Variants in BCOR observed in about 807,000 individuals in gnomAD.
BCOR encodes the protein BCL6 corepressor, also known as BCL-6 corepressor.
In BCOR, 10 loss-of-function variants were observed where a neutral mutation model predicts 86.7. That is an observed-to-expected ratio of 0.12 (90% confidence interval 0.07 to 0.20). The LOEUF is 0.20. BCOR is among the 10% of genes least tolerant of loss of function. The pLI is 1.00. For missense variants in BCOR, 1,259 were observed against 1,452.1 expected (o/e 0.87, Z 2.16); for synonymous variants, 611 against 609.0 (o/e 1.00, Z -0.05).
intron 1 of BCOR, among the ~76,000 whole-genome samples, chrX:40,120,266 G>C (rs1323852640): frequency 9.0e-6 from 1 of 111,142 alleles, no homozygotes; most frequent in African/African-American, 3.3e-5. Flanking sequence ...CGCTATGCCC[G>C]GAGCAGACAC....
At chrX:40,057,434 C>A (rs1261782715) in intron 10 of BCOR, 113 bp from the exon 11 acceptor site, 10 of 807,258 alleles carry the variant, frequency 1.2e-5, no homozygotes, top group Non-Finnish European at 1.8e-5. Context: ...ACCTGAGAAC[C>A]TCTCGGGCGG....
intron 1 of BCOR, among the ~76,000 whole-genome samples, chrX:40,137,818 C>T (rs747789012): frequency 8.9e-6 from 1 of 111,803 alleles, no homozygotes; most frequent in African/African-American, 3.2e-5. Context: ...CTAGGCTTCA[C>T]CCTGAGAGAG....
rs778696814 is a variant in BCOR, at chrX:40,069,111, C to T, written c.3238+1862G>A. On this transcript the variant is annotated intron_variant, in intron 6 of 14. Coordinates refer to ENST00000378444, the MANE Select transcript of BCOR (RefSeq NM_001123385.2). ...ATAGCTCAGTGAATTTGAAGCCAAA[C>T]GGATCCAGCGCATGCTGTACCCTGG... 2.6e-4 allele frequency among the ~76,000 whole-genome samples: 29 copies of T among 112,824 alleles called. No individual in the cohort carries two copies. The South Asian group carries it at 0.011, about 41-fold the overall frequency.
rs777957659 is a variant in BCOR, at chrX:40,062,310, G to C, written c.4257C>G (p.Phe1419Leu). 1.7e-6 allele frequency: 2 copies of C among 1,209,267 alleles called. No individual in the cohort carries two copies. The highest frequency in any genetic ancestry group is 2.2e-5 in the Admixed American group (1 of 45,803). Reference protein sequence around the residue: ...LSPAKQEPKPFDRLQQLLPAS... With the variant: ...LSPAKQEPKPLDRLQQLLPAS... ...CTGGTAGCAGTTGCTGCAAGCGGTC[G>C]AAGGGCTTTGGCTCCTGCTTGGCTG... Residue 1419 changes from phenylalanine to leucine, a missense_variant, in exon 10 of 15, where the codon TTC becomes TTG. Around this residue, in one of 7 missense-constraint regions of BCOR, gnomAD observed 305 missense variants for 286.1 expected, o/e 1.07. Transcript: ENST00000378444.
chrX:40,067,689 A>G (rs12014902), intron 6 of BCOR, among the ~76,000 whole-genome samples: 10,712 of 111,060 alleles, frequency 0.096, 495 homozygotes, highest in African/African-American at 0.18. Flanking sequence ...CTCAAGGCAA[A>G]CATCCCAATT....
intron 1 of BCOR, among the ~76,000 whole-genome samples, chrX:40,172,425 C>A (rs1186629049): frequency 2.7e-5 from 3 of 113,070 alleles, no homozygotes; most frequent in Non-Finnish European, 3.8e-5. Context: ...GAGGGCAGCG[C>A]GGTCTCCCCG....
upstream of BCOR, among the ~76,000 whole-genome samples, chrX:40,098,585 TGTCAAACCCCAGCGGCAGCA>T (rs1937002526): frequency 9.0e-6 from 1 of 111,264 alleles, no homozygotes; most frequent in East Asian, 2.9e-4. Flanking sequence ...CAGCCAAAGC[TGTCAAACCCCAGCGGCAGCA>T]GCCGCTGCCG....
chrX:40,075,309 C>CGGGGGGG, intron 3 of BCOR, 129 bp from the exon 4 acceptor site: 3 of 241,110 alleles, frequency 1.2e-5, no homozygotes, highest in Non-Finnish European at 1.5e-5. Flanking sequence ...AGACAGGCTT[C>CGGGGGGG]CGGCGGGGCG....
rs59467705 is a variant in BCOR at position 40,172,739 on chromosome X, C to A, written c.-41+4268G>T. Among the ~76,000 whole-genome samples the A allele has an allele frequency of 7.5e-3, 849 of 113,068 alleles. 7 individuals are homozygous for A. Among genetic ancestry groups the A allele is most frequent in the African/African-American group, 0.026 (812 of 31,231 alleles). On this transcript the variant is annotated intron_variant, in intron 1 of 14. Coordinates refer to the BCOR transcript ENST00000342274. Reference sequence around the variant, plus strand: ...GAGCCCGGAGCTTCGGAGCCGCCGCCGGGCATCTAGCCAGCTCCGCGGGAG... The same window carrying A: ...GAGCCCGGAGCTTCGGAGCCGCCGCAGGGCATCTAGCCAGCTCCGCGGGAG...
At chrX:40,071,927 G>A (rs1265462871) in intron 4 of BCOR, 4 of 382,785 alleles carry the variant, frequency 1.0e-5, no homozygotes, top group Non-Finnish European at 9.0e-6. Context: ...CTTTCTTTTT[G>A]GTGAAAAATT....
intron 1 of BCOR, among the ~76,000 whole-genome samples, chrX:40,092,849 C>T (rs1404778299): frequency 8.9e-6 from 1 of 112,481 alleles, no homozygotes; most frequent in African/African-American, 3.2e-5. Context: ...CACATTATTT[C>T]CCTGTGAATA....
chrX:40,174,441 C>T (rs1207720019), intron 1 of BCOR, among the ~76,000 whole-genome samples: 1 of 112,638 alleles, frequency 8.9e-6, no homozygotes, highest in Non-Finnish European at 1.9e-5. Flanking sequence ...CACATTTCCC[C>T]TCCTCCGAGG....
chrX:40,150,791 A>G (rs947400963), intron 1 of BCOR, among the ~76,000 whole-genome samples: 1 of 112,108 alleles, frequency 8.9e-6, no homozygotes, highest in Non-Finnish European at 1.9e-5. Context: ...CCCACTAGCG[A>G]AAGTTCTACC....
At chrX:40,115,650 G>A (rs1025635232) in intron 1 of BCOR, among the ~76,000 whole-genome samples, 1 of 110,199 alleles carries the variant, frequency 9.1e-6, no homozygotes, top group Non-Finnish European at 1.9e-5. Context: ...GGTGGTGCAC[G>A]CCTGTGATCC....
chrX:40,128,648 G>A (rs899303858), intron 1 of BCOR, among the ~76,000 whole-genome samples: 4 of 111,984 alleles, frequency 3.6e-5, no homozygotes, highest in African/African-American at 1.3e-4. Flanking sequence ...AAGGGAGCAG[G>A]GACCACCTTG....
chrX:40,104,219 T>A (rs1309960670), intron 1 of BCOR, among the ~76,000 whole-genome samples: 1 of 111,930 alleles, frequency 8.9e-6, no homozygotes, highest in Non-Finnish European at 1.9e-5. Flanking sequence ...TCGCACTCAG[T>A]GCCTTCAAAC....
At chrX:40,103,662 G>A (rs1417847047) in intron 1 of BCOR, among the ~76,000 whole-genome samples, 3 of 109,624 alleles carry the variant, frequency 2.7e-5, no homozygotes, top group Non-Finnish European at 5.7e-5. Flanking sequence ...TGCTTCCCCC[G>A]GGAGCCCACA....
intron 6 of BCOR, 34 bp from the exon 7 acceptor site, chrX:40,064,633 G>A: frequency 8.3e-7 from 1 of 1,208,563 alleles, no homozygotes; most frequent in Non-Finnish European, 1.1e-6. Context: ...CATTAATGAA[G>A]CCCGAAGGTC....
chrX:40,162,802 G>C (rs1938446136), intron 1 of BCOR, among the ~76,000 whole-genome samples: 1 of 112,110 alleles, frequency 8.9e-6, no homozygotes, highest in South Asian at 3.7e-4. Flanking sequence ...TTCTATCTGT[G>C]TCTCCTAGTC....
Sources: allele counts gnomAD v4.1 joint callset (sites outside exome capture counted in the v4.1 genomes callset), GRCh38; gene constraint gnomAD v4.1.1; regional missense constraint gnomAD v4.1.1; transcripts MANE v1.5; gene names NCBI Gene and HGNC (gene_info 2026-07-23, HGNC 2026-07-21).